Variants in MAGI3 observed in about 807,000 individuals in gnomAD.
MAGI3 encodes the protein membrane-associated guanylate kinase, WW and PDZ domain-containing protein 3.
A neutral mutation model predicts 121.8 loss-of-function variants in MAGI3; 43 were observed. The observed-to-expected ratio is 0.35, with a 90% CI of 0.28 to 0.46. MAGI3 has a LOEUF of 0.46. Among genes scored for constraint, MAGI3 ranks in the 20% least tolerant of loss-of-function variants. The pLI is 1.00. For synonymous variants in MAGI3, 553 were observed against 639.3 expected (o/e 0.86, Z 2.04); for missense variants, 1,547 against 1,797.3 (o/e 0.86, Z 2.52).
intron 3 of MAGI3, among the ~76,000 whole-genome samples, chr1:113,582,289 A>T (rs555124998): frequency 6.6e-6 from 1 of 152,098 alleles, no homozygotes; most frequent in East Asian, 1.9e-4. Flanking sequence ...CTAGACATCT[A>T]CTCAGGAAAA....
intron 1 of MAGI3, among the ~76,000 whole-genome samples, chr1:113,428,789 G>T (rs1653151092): frequency 2.0e-5 from 3 of 152,144 alleles, no homozygotes; most frequent in African/African-American, 7.2e-5. Context: ...AGAAATACTT[G>T]ATCTGTATTT....
intron 4 of MAGI3, 86 bp downstream of exon 4, chr1:113,585,682 A>G (rs907962835): frequency 8.5e-6 from 10 of 1,183,166 alleles, no homozygotes; most frequent in Middle Eastern, 2.2e-4. Flanking sequence ...AATTTTTTAC[A>G]AAGCATATGG....
intron 1 of MAGI3, among the ~76,000 whole-genome samples, chr1:113,525,917 G>A (rs972995540): frequency 2.6e-5 from 4 of 151,956 alleles, no homozygotes; most frequent in African/African-American, 9.7e-5. Context: ...CAGGAGAATC[G>A]CTTGAACTTG....
chr1:113,393,491 C>T (rs552732815), intron 1 of MAGI3, among the ~76,000 whole-genome samples: 2 of 152,190 alleles, frequency 1.3e-5, no homozygotes, highest in South Asian at 4.1e-4. Flanking sequence ...TTTTTAATCT[C>T]TTTTAAAAAT....
chr1:113,589,651 A>G (rs1265382131), intron 4 of MAGI3, among the ~76,000 whole-genome samples: 1 of 152,068 alleles, frequency 6.6e-6, no homozygotes, highest in Non-Finnish European at 1.5e-5. Flanking sequence ...ACTATAGAGA[A>G]GGATATCTAA....
chr1:113,521,725 A>G (rs766825193), intron 1 of MAGI3, among the ~76,000 whole-genome samples: 1 of 152,108 alleles, frequency 6.6e-6, no homozygotes, highest in Non-Finnish European at 1.5e-5. Flanking sequence ...GCTATTCTTA[A>G]TGTCCAGTAC....
At chr1:113,641,849 C>G in intron 9 of MAGI3, 62 bp from the exon 10 acceptor site, 1 of 1,468,548 alleles carries the variant, frequency 6.8e-7, no homozygotes, top group Non-Finnish European at 9.1e-7. Context: ...TTTTGCCCCT[C>G]TAGCAAAAAA....
chr1:113,643,785 A>C lies in MAGI3; in HGVS notation c.1998+11A>C. The C allele has an allele frequency of 1.9e-6, 3 of 1,612,570 alleles. No homozygotes were observed. Among genetic ancestry groups the C allele is most frequent in the African/African-American group, 2.7e-5 (2 of 74,976 alleles). ...AAAACTGCCAAAATGGTGAGTATAC[A>C]CTGGTCCTCAAATCTTTTCCCCAAC... On this transcript the variant is annotated intron_variant, in intron 11 of 20. Coordinates refer to ENST00000307546, the MANE Select transcript of MAGI3 (RefSeq NM_001142782.2).
chr1:113,430,232 C>T (rs1653234402), intron 1 of MAGI3, among the ~76,000 whole-genome samples: 1 of 152,088 alleles, frequency 6.6e-6, no homozygotes, highest in Non-Finnish European at 1.5e-5. Context: ...GGAGTAGCTG[C>T]TGATTTTGGA....
In MAGI3 at chr1:113,673,128, A is replaced by G. The variant is rs118036815; in HGVS notation, c.3046-194A>G. ...ATTGACCAACTAGAAAAGACATGTA[A>G]CCTTCAGATTAATTTAGGCTGCATT... On this transcript the variant is annotated intron_variant, in intron 18 of 20. Coordinates refer to ENST00000307546, the MANE Select transcript of MAGI3 (RefSeq NM_001142782.2). Among the ~76,000 whole-genome samples the G allele has an allele frequency of 7.0e-4, 106 of 152,346 alleles. 1 individual carries two copies. In the East Asian group the frequency reaches 0.02, roughly 29 times the overall value.
intron 2 of MAGI3, among the ~76,000 whole-genome samples, chr1:113,560,827 G>A (rs1660204145): frequency 6.6e-6 from 1 of 151,886 alleles, no homozygotes; most frequent in Admixed American, 6.6e-5. Flanking sequence ...ACAAATCTAG[G>A]AGCTGGGTTT....
intron 1 of MAGI3, chr1:113,449,586 C>A (rs1163765701): frequency 4.2e-5 from 26 of 624,992 alleles, no homozygotes; most frequent in Non-Finnish European, 6.5e-5. Context: ...TCTGCAAGTG[C>A]ATTTTTTTTT....
intron 1 of MAGI3, among the ~76,000 whole-genome samples, chr1:113,405,011 T>C (rs959831953): frequency 1.3e-5 from 2 of 152,182 alleles, no homozygotes; most frequent in South Asian, 2.1e-4. Flanking sequence ...TTATGTGCCA[T>C]CTTCTCATGA....
chr1:113,453,977 A>C (rs1485380092), intron 1 of MAGI3, among the ~76,000 whole-genome samples: 1 of 152,232 alleles, frequency 6.6e-6, no homozygotes, highest in Admixed American at 6.5e-5. Flanking sequence ...GTGCATAGGA[A>C]ATAATATAAT....
intron 1 of MAGI3, among the ~76,000 whole-genome samples, chr1:113,519,722 C>G (rs1658085980): frequency 6.6e-6 from 1 of 152,120 alleles, no homozygotes; most frequent in African/African-American, 2.4e-5. Flanking sequence ...TGTCATATGC[C>G]AGGGAAGCTC....
chr1:113,569,656 A>G (rs980932938), intron 2 of MAGI3, among the ~76,000 whole-genome samples: 4 of 152,146 alleles, frequency 2.6e-5, no homozygotes, highest in Admixed American at 6.6e-5. Flanking sequence ...ATGTCTGACA[A>G]TGGATCACAG....
intron 1 of MAGI3, among the ~76,000 whole-genome samples, chr1:113,455,944 C>CT (rs1414059962): frequency 2.0e-5 from 3 of 151,126 alleles, no homozygotes; most frequent in Admixed American, 2.0e-4. Flanking sequence ...TCCGTTTTTT[C>CT]TTTTTTCTCT....
Position 113,471,597 on chromosome 1 carries a change from T to C in MAGI3, c.317-77918T>C, listed in dbSNP as rs144651766. On this transcript the variant is annotated intron_variant, in intron 1 of 20. Coordinates refer to ENST00000307546, the MANE Select transcript of MAGI3 (RefSeq NM_001142782.2). ...AAGGAGTACACTCTAAAAACAATGA[T>C]AAAAGTATAATATAGTAGATACATA... Among the ~76,000 whole-genome samples, 337 of 152,214 alleles carry C rather than the reference T, an allele frequency of 2.2e-3. 2 individuals carry two copies. Among genetic ancestry groups the C allele is most frequent in the African/African-American group, 7.6e-3 (315 of 41,552 alleles).
intron 14 of MAGI3, among the ~76,000 whole-genome samples, chr1:113,653,517 A>G (rs1438279685): frequency 6.6e-6 from 1 of 151,930 alleles, no homozygotes; most frequent in Admixed American, 6.6e-5. Flanking sequence ...GGTTGCAATG[A>G]GCCGAGATCG....
Sources: allele counts gnomAD v4.1 joint callset (sites outside exome capture counted in the v4.1 genomes callset), GRCh38; gene constraint gnomAD v4.1.1; transcripts MANE v1.5; gene names NCBI Gene and HGNC (gene_info 2026-07-23, HGNC 2026-07-21).